The following TFF2 variants were observed in gnomAD, a reference collection of about 807,000 sequenced individuals.
The protein encoded by TFF2 is spasmolysin.
A neutral mutation model predicts 16.0 loss-of-function variants in TFF2; 19 were observed. That is an observed-to-expected ratio of 1.19 (90% confidence interval 0.83 to 1.74). The LOEUF (loss-of-function observed/expected upper bound fraction) is 1.74. Among genes scored for constraint, TFF2 ranks in the 40% most tolerant of loss-of-function variants. The pLI is 0.00. For missense variants in TFF2, 168 were observed against 166.8 expected (o/e 1.01, Z -0.04); for synonymous variants, 61 against 65.4 (o/e 0.93, Z 0.32).
In TFF2 at chr21:42,347,577, G is replaced by C. The variant is rs757487768; in HGVS notation, c.285C>G (p.Gly95=). 26 of 1,614,098 alleles carry C rather than the reference G, an allele frequency of 1.6e-5. No individual in the cohort carries two copies. In the South Asian group the frequency reaches 2.9e-4, roughly 18 times the overall value. Residue 95 remains glycine, a synonymous_variant, in exon 3 of 4, where the codon GGC becomes GGG. Transcript: ENST00000291526. ...VSDRRNCGYP[G]ISPEECASRK... is the part of the protein sequence containing the mutation. The stretch of plus-strand genomic sequence containing the variant: ...GAGAGGCGCATTCCTCGGGGCTGAT[G>C]CCCGGGTAGCCACAGTTTCTTCGGT...
At chr21:42,347,844 G>A (rs2052081685) in intron 2 of TFF2, among the ~76,000 whole-genome samples, 1 of 152,196 alleles carries the variant, frequency 6.6e-6, no homozygotes. Flanking sequence ...TGGAAGTGTC[G>A]GCCCCAGCGA....
chr21:42,349,314 T>C (rs1026857276), intron 2 of TFF2, among the ~76,000 whole-genome samples: 3 of 149,816 alleles, frequency 2.0e-5, no homozygotes, highest in African/African-American at 7.4e-5. Flanking sequence ...CAACCTGTGC[T>C]AGCTCCAAAC....
At chr21:42,348,216 A>G (rs574441548) in intron 2 of TFF2, among the ~76,000 whole-genome samples, 125 of 146,462 alleles carry the variant, frequency 8.5e-4, no homozygotes, top group African/African-American at 2.9e-3. Flanking sequence ...CACGACACAC[A>G]CACAACCTTC....
chr21:42,350,160 T>C (rs2052105111), intron 1 of TFF2, 130 bp from the exon 2 acceptor site: 1 of 1,364,166 alleles, frequency 7.3e-7, no homozygotes, highest in Non-Finnish European at 9.5e-7. Flanking sequence ...ATCTTGCCCA[T>C]ATTTAAGCAA....
Sources: allele counts gnomAD v4.1 joint callset (sites outside exome capture counted in the v4.1 genomes callset), GRCh38; gene constraint gnomAD v4.1.1; transcripts MANE v1.5; gene names NCBI Gene and HGNC (gene_info 2026-07-23, HGNC 2026-07-21).